Variants in AGAP1 observed in about 807,000 individuals in gnomAD.
The protein encoded by AGAP1 is arf-GAP with GTPase, ANK repeat and PH domain-containing protein 1.
AGAP1 carries 29 observed loss-of-function variants against 105.3 expected under a neutral mutation model. That is an observed-to-expected ratio of 0.28 (90% CI 0.21 to 0.38). The LOEUF is 0.38. Ranked by LOEUF, AGAP1 falls within the 10% of genes least tolerant of loss-of-function variation. The pLI is 1.00. For synonymous variants in AGAP1, 509 were observed against 485.9 expected (o/e 1.05, Z -0.63); for missense variants, 998 against 1,165.1 (o/e 0.86, Z 2.09).
At chr2:235,820,464 T>C (rs1958727797) in intron 9 of AGAP1, among the ~76,000 whole-genome samples, 1 of 152,232 alleles carries the variant, frequency 6.6e-6, no homozygotes, top group African/African-American at 2.4e-5. Context: ...TGAGTATTTA[T>C]CCAGAAGAAG....
At chr2:235,668,048 G>A (rs1159948892) in intron 1 of AGAP1, among the ~76,000 whole-genome samples, 2 of 151,586 alleles carry the variant, frequency 1.3e-5, no homozygotes, top group East Asian at 1.9e-4. Flanking sequence ...CTTACAATGA[G>A]GATGTAATCA....
intron 9 of AGAP1, among the ~76,000 whole-genome samples, chr2:235,837,132 T>C (rs1559545803): frequency 2.0e-5 from 3 of 152,146 alleles, no homozygotes; most frequent in Non-Finnish European, 2.9e-5. Flanking sequence ...ATTACAGGCA[T>C]GCAACACCAC....
chr2:235,546,619 T>A lies in AGAP1; in HGVS notation c.163+51770T>A, dbSNP rs184709673. 2.0e-3 allele frequency among the ~76,000 whole-genome samples: 300 copies of A among 151,982 alleles called. 2 individuals carry two copies. Among genetic ancestry groups the A allele is most frequent in the African/African-American group, 6.8e-3 (281 of 41,430 alleles). ...CTAGTGGTGACGGTCAGGGTGTGAG[T>A]GTGGGGACGTGGCTGGCGTGGTGAC... On this transcript the variant is annotated intron_variant, in intron 1 of 17. Coordinates refer to ENST00000304032, the MANE Select transcript of AGAP1 (RefSeq NM_001037131.3).
intron 1 of AGAP1, among the ~76,000 whole-genome samples, chr2:235,564,278 T>C (rs1042857351): frequency 1.3e-5 from 2 of 152,158 alleles, no homozygotes; most frequent in African/African-American, 2.4e-5. Flanking sequence ...CCTTGAGCCT[T>C]GCTTTGGAGC....
At position 236,121,949 on chromosome 2, in the gene AGAP1, TC is replaced by T. The variant is rs1338863496; in HGVS notation, c.2370+1508del. 6.6e-6 allele frequency among the ~76,000 whole-genome samples: 1 copy of T among 150,592 alleles called. No homozygotes were observed. Among genetic ancestry groups the T allele is most frequent in the African/African-American group, 2.4e-5 (1 of 40,884 alleles). On this transcript the variant is annotated intron_variant, in intron 17 of 17. Transcript: ENST00000304032. This position sits in a 1 kb window ranked among gnomAD's most constrained non-coding sequence, Gnocchi z 4.9. ...ACTCGCTCCTGGTAGCTCTCTCCTT[TC>T]CCCCCACCCCCTTCTTTTTGGGACA...
In AGAP1 at chr2:235,801,459, A is replaced by T. The variant is rs1957491548; in HGVS notation, c.957+1937A>T. Among the ~76,000 whole-genome samples, 1 of 152,096 alleles carries T rather than the reference A, an allele frequency of 6.6e-6. No homozygotes were observed. ...TCTGTAAAATACAGGTGAGTATCTC[A>T]CATGCTTAAATTAGTGCATGGATAA... On this transcript the variant is annotated intron_variant, in intron 8 of 17. Transcript: ENST00000304032. This position sits in a 1 kb window ranked among gnomAD's most constrained non-coding sequence, Gnocchi z 6.0.
At position 235,736,268 on chromosome 2, in the gene AGAP1, G is replaced by C. The variant is rs1361076825; in HGVS notation, c.311-4695G>C. On this transcript the variant is annotated intron_variant, in intron 3 of 17. Coordinates refer to ENST00000304032, the MANE Select transcript of AGAP1 (RefSeq NM_001037131.3). The surrounding 1 kb of genome is among the most constrained non-coding windows in gnomAD (Gnocchi z 5.5). ...TTCCCACGGAGCTCGCCTAGCACCTGTTCACAGGTGTGCCTGGGCCAGATG... is the reference window on the plus strand; with the variant it reads ...TTCCCACGGAGCTCGCCTAGCACCTCTTCACAGGTGTGCCTGGGCCAGATG... Among the ~76,000 whole-genome samples, 1 of 152,060 alleles carries C rather than the reference G, an allele frequency of 6.6e-6. No homozygotes were observed. The highest frequency in any genetic ancestry group is 2.4e-5 in the African/African-American group (1 of 41,424).
rs746761060 is a variant in AGAP1 at position 235,615,097 on chromosome 2, C to T, written c.164-94082C>T. Among the ~76,000 whole-genome samples the T allele has an allele frequency of 1.4e-4, 22 of 152,194 alleles. No homozygotes were observed. The highest frequency in any genetic ancestry group is 5.1e-4 in the African/African-American group (21 of 41,442). Reference sequence around the variant, plus strand: ...GCCCCTTCCATGAAGAGTGCAAGTACGCCTGACTCCTCCGCGCAGGGAATG... The same window carrying T: ...GCCCCTTCCATGAAGAGTGCAAGTATGCCTGACTCCTCCGCGCAGGGAATG... On this transcript the variant is annotated intron_variant, in intron 1 of 17. Transcript: ENST00000304032. The surrounding 1 kb of genome is among the most constrained non-coding windows in gnomAD (Gnocchi z 5.0).
Position 235,788,684 on chromosome 2 carries a change from A to G in AGAP1, c.674-9075A>G, listed in dbSNP as rs72983009. On this transcript the variant is annotated intron_variant, in intron 6 of 17. Coordinates refer to ENST00000304032, the MANE Select transcript of AGAP1 (RefSeq NM_001037131.3). This position sits in a 1 kb window ranked among gnomAD's most constrained non-coding sequence, Gnocchi z 6.0. ...TGCATGGGGCAGACTGAAGCCTGAG[A>G]CATGACCCCCGAGGGTTCTCCAGAC... 0.26 allele frequency among the ~76,000 whole-genome samples: 39,258 copies of G among 151,914 alleles called. 5,435 individuals are homozygous for G. Among genetic ancestry groups the G allele is most frequent in the Admixed American group, 0.4 (6,050 of 15,272 alleles).
chr2:235,812,393 A>G (rs1435919013), intron 9 of AGAP1, among the ~76,000 whole-genome samples: 1 of 152,202 alleles, frequency 6.6e-6, no homozygotes, highest in Non-Finnish European at 1.5e-5. Context: ...TCAGTTGAGT[A>G]GAAAGAGGCA....
At chr2:235,763,057 T>TGTGTGTGTGCGCGCGC (rs953192018) in intron 6 of AGAP1, among the ~76,000 whole-genome samples, 6 of 107,108 alleles carry the variant, frequency 5.6e-5, no homozygotes, top group South Asian at 5.0e-4. Context: ...TGTGTATGTG[T>TGTGTGTGTGCGCGCGC]GCGCGCGCGC....
intron 1 of AGAP1, among the ~76,000 whole-genome samples, chr2:235,624,383 A>C (rs773271293): frequency 6.6e-6 from 1 of 152,176 alleles, no homozygotes; most frequent in Non-Finnish European, 1.5e-5. Flanking sequence ...GTCCTTAGAC[A>C]GTAGATGGTG....
At chr2:235,632,137 A>G (rs1194339999) in intron 1 of AGAP1, among the ~76,000 whole-genome samples, 2 of 152,222 alleles carry the variant, frequency 1.3e-5, no homozygotes, top group Non-Finnish European at 1.5e-5. Context: ...AGTGATTCTA[A>G]TTAGCATACA....
chr2:235,608,012 G>C lies in AGAP1; in HGVS notation c.164-101167G>C, dbSNP rs1946003437. ...AAGTGAGCGAGTGCCTGCTGTCTCA[G>C]ACATGAGGTGGATGCTGAAGAGATT... On this transcript the variant is annotated intron_variant, in intron 1 of 17. Coordinates refer to ENST00000304032, the MANE Select transcript of AGAP1 (RefSeq NM_001037131.3). The surrounding 1 kb of genome is among the most constrained non-coding windows in gnomAD (Gnocchi z 5.4). 6.6e-6 allele frequency among the ~76,000 whole-genome samples: 1 copy of C among 152,220 alleles called. No homozygotes were observed. The highest frequency in any genetic ancestry group is 1.5e-5 in the Non-Finnish European group (1 of 68,052).
At chr2:236,059,693 A>C (rs1401075152) in intron 16 of AGAP1, among the ~76,000 whole-genome samples, 3 of 152,252 alleles carry the variant, frequency 2.0e-5, no homozygotes, top group Non-Finnish European at 4.4e-5. Context: ...TTTCCAAAAA[A>C]GATGCCAAGA....
chr2:235,809,814 G>A (rs939302057), intron 9 of AGAP1, among the ~76,000 whole-genome samples: 6 of 152,196 alleles, frequency 3.9e-5, no homozygotes, highest in South Asian at 2.1e-4. Context: ...GATGGAGCCT[G>A]ATGGCCATAT....
At position 235,686,588 on chromosome 2, in the gene AGAP1, C is replaced by CACACATAT. The variant is rs1553605459; in HGVS notation, c.164-22591_164-22590insACACATAT. 1.7e-3 allele frequency among the ~76,000 whole-genome samples: 179 copies of CACACATAT among 108,482 alleles called. 1 individual carries two copies. The highest frequency in any genetic ancestry group is 5.5e-3 in the African/African-American group (165 of 29,730). The allele number at this position is 108,482 out of a possible 152,430, so 71.2% of individuals were successfully genotyped here. A position where few individuals can be genotyped will look rare whatever the true frequency, so the allele number is the denominator to read the frequency against. On this transcript the variant is annotated intron_variant, in intron 1 of 17. Coordinates refer to ENST00000304032, the MANE Select transcript of AGAP1 (RefSeq NM_001037131.3). ...ACACACACACACACACACACACACA[C>CACACATAT]GTGTGTGTGTATATATATACGTGGA...
chr2:235,509,268 C>A lies in AGAP1; in HGVS notation c.163+14419C>A, dbSNP rs374657745. Among the ~76,000 whole-genome samples, 14 of 152,178 alleles carry A rather than the reference C, an allele frequency of 9.2e-5. No homozygotes were observed. The South Asian group carries it at 2.9e-3, about 32-fold the overall frequency. On this transcript the variant is annotated intron_variant, in intron 1 of 17. Transcript: ENST00000304032. ...TTGAGATGGAGTCTGGCTCTGTCACCCAGGCTGGAGTGCAGTGGTGCGATC... is the reference window on the plus strand; with the variant it reads ...TTGAGATGGAGTCTGGCTCTGTCACACAGGCTGGAGTGCAGTGGTGCGATC...
chr2:235,787,698 C>T lies in AGAP1; in HGVS notation c.674-10061C>T, dbSNP rs1024745277. Among the ~76,000 whole-genome samples, 1 of 152,162 alleles carries T rather than the reference C, an allele frequency of 6.6e-6. No homozygotes were observed. The highest frequency in any genetic ancestry group is 1.5e-5 in the Non-Finnish European group (1 of 68,032). On this transcript the variant is annotated intron_variant, in intron 6 of 17. Transcript: ENST00000304032. The surrounding 1 kb of genome is among the most constrained non-coding windows in gnomAD (Gnocchi z 4.4). ...CTATAAAGCATAGTAAAGAAACCTT[C>T]CTTGACACATTAAAGGGAAAAGCAG...
Sources: allele counts gnomAD v4.1 joint callset (sites outside exome capture counted in the v4.1 genomes callset), GRCh38; gene constraint gnomAD v4.1.1; non-coding constraint Gnocchi (gnomAD v3.1); transcripts MANE v1.5; gene names NCBI Gene and HGNC (gene_info 2026-07-23, HGNC 2026-07-21).